Variants in GALNT17 observed in about 807,000 individuals in gnomAD.
GALNT17 encodes UDP-GalNAc:polypeptide N-acetylgalactosaminyltransferase-like 3.
A neutral mutation model predicts 63.7 loss-of-function variants in GALNT17; 29 were observed. That is an observed-to-expected ratio of 0.46 (90% CI 0.34 to 0.62). GALNT17 has a LOEUF of 0.62. GALNT17 is among the 20% of genes least tolerant of loss of function. The pLI, the probability that GALNT17 is intolerant of heterozygous loss-of-function variation, is 0.01. For synonymous variants in GALNT17, 305 were observed against 318.3 expected (o/e 0.96, Z 0.45); for missense variants, 603 against 799.6 (o/e 0.75, Z 2.97).
At chr7:71,552,523 CT>C (rs2116834085) in intron 5 of GALNT17, among the ~76,000 whole-genome samples, 1 of 151,010 alleles carries the variant, frequency 6.6e-6, no homozygotes, top group Admixed American at 6.6e-5. Flanking sequence ...TCATTACAGT[CT>C]CTGCCTCCCA....
chr7:71,596,631 C>T (rs1789890703), intron 6 of GALNT17, among the ~76,000 whole-genome samples: 1 of 152,022 alleles, frequency 6.6e-6, no homozygotes, highest in South Asian at 2.1e-4. Context: ...CTCCTGCTTC[C>T]TCTGTGCAAT....
intron 5 of GALNT17, among the ~76,000 whole-genome samples, chr7:71,542,528 C>T (rs1205523847): frequency 6.6e-6 from 1 of 151,780 alleles, no homozygotes; most frequent in Admixed American, 6.6e-5. Context: ...AACCCTGTCT[C>T]TACTAAAAAT....
At chr7:71,437,093 GTAA>G (rs1385057505) in intron 5 of GALNT17, among the ~76,000 whole-genome samples, 1 of 152,132 alleles carries the variant, frequency 6.6e-6, no homozygotes, top group Non-Finnish European at 1.5e-5. Flanking sequence ...CCACTAGAAG[GTAA>G]TTACCGTTGC....
chr7:71,432,996 A>C lies in GALNT17; in HGVS notation c.962+11891A>C, dbSNP rs983017374. 3.3e-5 allele frequency among the ~76,000 whole-genome samples: 5 copies of C among 152,266 alleles called. No individual in the cohort carries two copies. The South Asian group carries it at 1.0e-3, about 32-fold the overall frequency. On this transcript the variant is annotated intron_variant, in intron 5 of 10. Coordinates refer to ENST00000333538, the MANE Select transcript of GALNT17 (RefSeq NM_022479.3). The stretch of plus-strand genomic sequence containing the variant: ...GGCTAATTTTTTGTATTTTTAGTAG[A>C]GACAGGGTTTCACCATGTTGGCCAG...
At chr7:71,288,723 T>C (rs548725709) in intron 1 of GALNT17, among the ~76,000 whole-genome samples, 16 of 152,150 alleles carry the variant, frequency 1.1e-4, no homozygotes, top group Non-Finnish European at 2.2e-4. Context: ...TGTGTTCATC[T>C]GGAAATCCAG....
intron 1 of GALNT17, among the ~76,000 whole-genome samples, chr7:71,235,436 A>G (rs1368530966): frequency 1.3e-5 from 2 of 152,072 alleles, no homozygotes; most frequent in African/African-American, 4.8e-5. Context: ...AGTGACTCGG[A>G]TAGAATTACT....
intron 1 of GALNT17, among the ~76,000 whole-genome samples, chr7:71,241,904 C>CGAGG (rs1425362787): frequency 2.6e-5 from 4 of 151,884 alleles, no homozygotes; most frequent in Admixed American, 2.0e-4. Context: ...AAAGAATACC[C>CGAGG]GAGGGTTGGT....
intron 1 of GALNT17, among the ~76,000 whole-genome samples, chr7:71,288,288 G>A (rs924926420): frequency 1.3e-4 from 19 of 150,692 alleles, no homozygotes; most frequent in South Asian, 2.1e-4. Context: ...GAAGTGTATC[G>A]TCATAAAGGT....
At chr7:71,468,669 G>A (rs1787577836) in intron 5 of GALNT17, among the ~76,000 whole-genome samples, 2 of 150,078 alleles carry the variant, frequency 1.3e-5, no homozygotes, top group African/African-American at 2.5e-5. Flanking sequence ...CTGCTACCTA[G>A]GCCTCCCAAA....
At chr7:71,674,405 G>C (rs953591991) in intron 8 of GALNT17, among the ~76,000 whole-genome samples, 1 of 150,960 alleles carries the variant, frequency 6.6e-6, no homozygotes, top group Non-Finnish European at 1.5e-5. Flanking sequence ...CAGTACAGTA[G>C]CATGATCATG....
chr7:71,426,606 A>C (rs549264321), intron 5 of GALNT17, among the ~76,000 whole-genome samples: 1 of 152,270 alleles, frequency 6.6e-6, no homozygotes, highest in South Asian at 2.1e-4. Context: ...CAGAAGGTGA[A>C]GTGGGAGCTG....
chr7:71,132,925 G>A lies in GALNT17; in HGVS notation c.123G>A (p.Glu41=), dbSNP rs753514998. The change falls in exon 1 of 11, where the codon GAG becomes GAA. Residue 41 remains glutamate (E), a synonymous_variant. Coordinates refer to ENST00000333538, the MANE Select transcript of GALNT17 (RefSeq NM_022479.3). ...TGCGCAGCGGAGACGCCTTCCACGAGATCCGGCCGCGCGCCGAGGTGGCCA... is the reference window on the plus strand; with the variant it reads ...TGCGCAGCGGAGACGCCTTCCACGAAATCCGGCCGCGCGCCGAGGTGGCCA... ...IAVRSGDAFH[E]IRPRAEVANL... The A allele has an allele frequency of 6.2e-6, 10 of 1,611,862 alleles. No homozygotes were observed. The South Asian group carries it at 9.9e-5, about 16-fold the overall frequency.
intron 6 of GALNT17, among the ~76,000 whole-genome samples, chr7:71,618,193 A>T (rs1393134839): frequency 6.6e-6 from 1 of 152,130 alleles, no homozygotes; most frequent in Admixed American, 6.5e-5. Context: ...GTGTATATGT[A>T]ACACATTTCC....
At chr7:71,416,111 T>C in intron 4 of GALNT17, 48 bp downstream of exon 4, 2 of 1,554,192 alleles carry the variant, frequency 1.3e-6, no homozygotes, top group Non-Finnish European at 1.7e-6. Context: ...TGCATTGTGG[T>C]TGAGAGGGGC....
intron 5 of GALNT17, among the ~76,000 whole-genome samples, chr7:71,522,412 G>T (rs528564209): frequency 9.2e-5 from 14 of 152,306 alleles, no homozygotes; most frequent in African/African-American, 3.4e-4. Context: ...GTTCCATGTG[G>T]CTGGGGAAGC....
chr7:71,359,926 G>A (rs4719115), intron 2 of GALNT17, among the ~76,000 whole-genome samples: 94,536 of 152,022 alleles, frequency 0.62, 29,653 homozygotes, highest in East Asian at 0.85. Context: ...TCAACCAGAT[G>A]AGATGTGGTC....
chr7:71,611,308 C>T (rs1324545688), intron 6 of GALNT17, among the ~76,000 whole-genome samples: 1 of 152,174 alleles, frequency 6.6e-6, no homozygotes, highest in Non-Finnish European at 1.5e-5. Context: ...GCACTCAAGG[C>T]CCATTCCACG....
At chr7:71,169,538 T>G (rs1180854861) in intron 1 of GALNT17, among the ~76,000 whole-genome samples, 1 of 152,128 alleles carries the variant, frequency 6.6e-6, no homozygotes, top group East Asian at 1.9e-4. Flanking sequence ...ACATAATGGG[T>G]TTTTATATAG....
Position 71,194,467 on chromosome 7 carries a change from A to T in GALNT17, c.238+61427A>T, listed in dbSNP as rs534448247. 2.0e-5 allele frequency among the ~76,000 whole-genome samples: 3 copies of T among 152,308 alleles called. No homozygotes were observed. In the South Asian group the frequency reaches 6.2e-4, roughly 32 times the overall value. ...GTCAAATAATGCTGTTCCCTGGCAG[A>T]TACAGTATTGGAACTGGAGGAGGGA... On this transcript the variant is annotated intron_variant, in intron 1 of 10. Coordinates refer to ENST00000333538, the MANE Select transcript of GALNT17 (RefSeq NM_022479.3).
Sources: gnomAD v4.1 joint callset for allele counts (sites outside exome capture counted in the v4.1 genomes callset) on GRCh38, gnomAD v4.1.1 for gene constraint, MANE v1.5 for transcripts, NCBI Gene and HGNC (gene_info 2026-07-23, HGNC 2026-07-21) for gene names.